The following DNAJC13 variants were observed in gnomAD, a reference collection of about 807,000 sequenced individuals.
DNAJC13 encodes DnaJ heat shock protein family (Hsp40) member C13, also known as dnaJ homolog subfamily C member 13.
Under a neutral mutation model 290.5 loss-of-function variants are expected in DNAJC13, and 75 were observed. The observed-to-expected ratio is 0.26, with a 90% CI of 0.21 to 0.31. The LOEUF (loss-of-function observed/expected upper bound fraction) is 0.31, where lower values mean the gene tolerates loss of function less well. DNAJC13 is among the 10% of genes least tolerant of loss of function. DNAJC13 has a pLI of 1.00. For missense variants in DNAJC13, 2,260 were observed against 2,674.5 expected, an observed-to-expected ratio of 0.85 and a Z score of 3.42; for synonymous variants, 862 against 892.0, an observed-to-expected ratio of 0.97 and a Z score of 0.60.
chr3:132,511,991 C>T (rs948864845), intron 44 of DNAJC13, among the ~76,000 whole-genome samples: 4 of 152,164 alleles, frequency 2.6e-5, no homozygotes, highest in African/African-American at 9.6e-5. Context: ...AATAAAATAA[C>T]AGTAATTAAA....
At chr3:132,509,061 T>C (rs1169622566) in intron 43 of DNAJC13, among the ~76,000 whole-genome samples, 1 of 152,246 alleles carries the variant, frequency 6.6e-6, no homozygotes, top group Non-Finnish European at 1.5e-5. Flanking sequence ...TTTTACATCT[T>C]GTTATTTAAA....
At chr3:132,511,488 A>G (rs1935778397) in intron 44 of DNAJC13, among the ~76,000 whole-genome samples, 2 of 152,202 alleles carry the variant, frequency 1.3e-5, no homozygotes, top group South Asian at 4.1e-4. Flanking sequence ...ATGAGTTGAA[A>G]AGGCAGAATA....
chr3:132,467,147 T>C (rs759015116), intron 19 of DNAJC13, 23 bp from the exon 20 acceptor site: 3 of 1,603,138 alleles, frequency 1.9e-6, no homozygotes, highest in South Asian at 2.3e-5. Flanking sequence ...AGGCATGTAA[T>C]GGATTCCAAC....
intron 12 of DNAJC13, 57 bp from the exon 13 acceptor site, chr3:132,457,212 A>G (rs972112129): frequency 9.1e-5 from 113 of 1,245,388 alleles, no homozygotes; most frequent in Non-Finnish European, 1.2e-4. Flanking sequence ...TTTCAATAAT[A>G]TAACAATTTA....
At chr3:132,484,307 G>T (rs1380596768) in intron 28 of DNAJC13, 1 of 484,754 alleles carries the variant, frequency 2.1e-6, no homozygotes, top group South Asian at 1.7e-5. Context: ...ACAGTGTGTT[G>T]AACAACACCA....
chr3:132,444,417 G>A (rs1037614442), intron 2 of DNAJC13, among the ~76,000 whole-genome samples: 1 of 152,160 alleles, frequency 6.6e-6, no homozygotes, highest in South Asian at 2.1e-4. Context: ...AGAATTATAT[G>A]AGAAAGATAT....
intron 9 of DNAJC13, among the ~76,000 whole-genome samples, chr3:132,455,994 T>A (rs1933586562): frequency 1.3e-5 from 2 of 152,162 alleles, no homozygotes; most frequent in African/African-American, 4.8e-5. Flanking sequence ...TAAAAATAAT[T>A]TTAAAGGGAG....
intron 9 of DNAJC13, among the ~76,000 whole-genome samples, 157 bp downstream of exon 9, chr3:132,454,314 ATTTTTT>A (rs71622093): frequency 1.2e-5 from 1 of 86,122 alleles, no homozygotes; most frequent in Admixed American, 1.6e-4. Context: ...CCCATTTTCA[ATTTTTT>A]TTTTTTTTTT....
intron 31 of DNAJC13, among the ~76,000 whole-genome samples, chr3:132,489,357 CG>C (rs1934987664): frequency 6.6e-6 from 1 of 151,958 alleles, no homozygotes; most frequent in Admixed American, 6.6e-5. Context: ...AGTCTTACAT[CG>C]TCAGCTAAGA....
At chr3:132,476,710 C>G (rs1472994219) in intron 22 of DNAJC13, among the ~76,000 whole-genome samples, 1 of 152,176 alleles carries the variant, frequency 6.6e-6, no homozygotes, top group Non-Finnish European at 1.5e-5. Flanking sequence ...TAGAAAACAC[C>G]AAATTCACAT....
Position 132,512,510 on chromosome 3 carries a change from G to A in DNAJC13, c.5294-498G>A, listed in dbSNP as rs111560871. Among the ~76,000 whole-genome samples, 908 of 152,266 alleles carry A rather than the reference G, an allele frequency of 6.0e-3. 9 individuals carry two copies. The highest frequency in any genetic ancestry group is 0.029 in the East Asian group (152 of 5,174). On this transcript the variant is annotated intron_variant, in intron 44 of 55. Coordinates refer to ENST00000260818, the MANE Select transcript of DNAJC13 (RefSeq NM_015268.4). ...TGGGATTAGGATTTGAGGTGGGTAG[G>A]AATGGAAATACCATTTCATTTTATG...
At chr3:132,450,372 T>G (rs1225307361) in intron 5 of DNAJC13, among the ~76,000 whole-genome samples, 1 of 152,072 alleles carries the variant, frequency 6.6e-6, no homozygotes, top group African/African-American at 2.4e-5. Context: ...TTTTATAAAT[T>G]TACATAGAGT....
At chr3:132,498,227 G>A (rs1453654423) in intron 36 of DNAJC13, among the ~76,000 whole-genome samples, 2 of 151,742 alleles carry the variant, frequency 1.3e-5, no homozygotes, top group Non-Finnish European at 2.9e-5. Context: ...GAAAATACTG[G>A]TAAAACTTTA....
chr3:132,537,919 G>A (rs1936644641), intron 55 of DNAJC13, among the ~76,000 whole-genome samples: 1 of 152,158 alleles, frequency 6.6e-6, no homozygotes, highest in Admixed American at 6.5e-5. Context: ...ATGTAAGAAA[G>A]AAAATTTTAT....
Position 132,488,460 on chromosome 3 carries a change from C to T in DNAJC13, c.3422+8C>T. On this transcript the variant is annotated splice_region_variant and intron_variant, in intron 30 of 55. Coordinates refer to ENST00000260818, the MANE Select transcript of DNAJC13 (RefSeq NM_015268.4). ...TGTGCTTCCTGTTGCTCGGTAAGAA[C>T]TTTAAGGGTAATCTATTTAAAAGTA... 6.3e-7 allele frequency: 1 copy of T among 1,599,584 alleles called. No homozygotes were observed. The highest frequency in any genetic ancestry group is 1.1e-5 in the South Asian group (1 of 87,944).
In DNAJC13 at chr3:132,446,590, C is replaced by T. The variant is rs1933250283; in HGVS notation, c.144+40C>T. ...AGCTGTTAGGTGTTTGTATGAACTC[C>T]CTTTGAATTTTAAAAGCCAGGCTGT... On this transcript the variant is annotated intron_variant, in intron 3 of 55. Coordinates refer to ENST00000260818, the MANE Select transcript of DNAJC13 (RefSeq NM_015268.4). 2.8e-6 allele frequency: 4 copies of T among 1,427,464 alleles called. No individual in the cohort carries two copies. The Admixed American group carries it at 8.6e-5, about 31-fold the overall frequency. The allele number at this position is 1,427,464 out of a possible 1,614,324, so 88.4% of individuals were successfully genotyped here.
intron 1 of DNAJC13, among the ~76,000 whole-genome samples, chr3:132,422,562 C>T (rs962096417): frequency 9.9e-5 from 15 of 152,156 alleles, no homozygotes; most frequent in African/African-American, 3.4e-4. Flanking sequence ...CAGCATATGC[C>T]AATTTATAAC....
At chr3:132,506,476 A>G (rs1304000303) in intron 42 of DNAJC13, among the ~76,000 whole-genome samples, 1 of 148,328 alleles carries the variant, frequency 6.7e-6, no homozygotes, top group Non-Finnish European at 1.5e-5. Flanking sequence ...TTCAGTCTTA[A>G]TCTTCATGGG....
At chr3:132,526,375 A>T in intron 53 of DNAJC13, 94 bp downstream of exon 53, 1 of 1,495,410 alleles carries the variant, frequency 6.7e-7, no homozygotes, top group Non-Finnish European at 9.1e-7. Flanking sequence ...TCCTTGACTT[A>T]AGGTTGGTGA....
Sources: gnomAD v4.1 joint callset for allele counts (sites outside exome capture counted in the v4.1 genomes callset) on GRCh38, gnomAD v4.1.1 for gene constraint, MANE v1.5 for transcripts, NCBI Gene and HGNC (gene_info 2026-07-23, HGNC 2026-07-21) for gene names.